The following DNAH17 variants were observed in gnomAD, a reference collection of about 807,000 sequenced individuals.
The protein encoded by DNAH17 is dynein axonemal heavy chain 17, also known as axonemal beta dynein heavy chain 17.
Under a neutral mutation model 485.6 loss-of-function variants are expected in DNAH17, and 376 were observed. The ratio of observed to expected loss-of-function variants is 0.77; its 90% CI spans 0.71 to 0.84. DNAH17 has a LOEUF of 0.84. DNAH17 is among the 40% of genes least tolerant of loss of function. DNAH17 has a pLI of 0.00. For missense variants in DNAH17, 6,370 were observed against 5,839.3 expected, an observed-to-expected ratio of 1.09 and a Z score of -2.96; for synonymous variants, 3,031 against 2,405.9, an observed-to-expected ratio of 1.26 and a Z score of -7.60.
chr17:78,562,517 G>A (rs2092179022), intron 11 of DNAH17, among the ~76,000 whole-genome samples: 1 of 152,092 alleles, frequency 6.6e-6, no homozygotes, highest in African/African-American at 2.4e-5. Flanking sequence ...AGCTACTCAG[G>A]AGGCTGAGAT....
At chr17:78,496,455 G>C (rs943805570) in intron 37 of DNAH17, among the ~76,000 whole-genome samples, 1 of 151,360 alleles carries the variant, frequency 6.6e-6, no homozygotes, top group Non-Finnish European at 1.5e-5. Context: ...CAGTCACAGC[G>C]GGGGTGGTGG....
intron 75 of DNAH17, among the ~76,000 whole-genome samples, chr17:78,431,454 C>T (rs893746807): frequency 6.6e-6 from 1 of 151,336 alleles, no homozygotes; most frequent in Non-Finnish European, 1.5e-5. Flanking sequence ...GGGAACCCCC[C>T]ACCCCGAGAC....
intron 16 of DNAH17, among the ~76,000 whole-genome samples, chr17:78,550,007 C>CAA (rs2091862979): frequency 6.6e-6 from 1 of 152,152 alleles, no homozygotes; most frequent in Non-Finnish European, 1.5e-5. Context: ...TGGCATGAAA[C>CAA]AAAGTGAAGA....
chr17:78,489,157 C>T (rs1396850910), intron 44 of DNAH17, among the ~76,000 whole-genome samples: 4 of 152,190 alleles, frequency 2.6e-5, no homozygotes, highest in Non-Finnish European at 5.9e-5. Context: ...CACTTGGTAT[C>T]CCTCTCAAAC....
In DNAH17 at chr17:78,468,596, T is replaced by G. The variant is rs758503547; in HGVS notation, c.8778+21A>C. 3.7e-6 allele frequency: 6 copies of G among 1,605,400 alleles called. No homozygotes were observed. In the South Asian group the frequency reaches 6.7e-5, roughly 18 times the overall value. On this transcript the variant is annotated intron_variant, in intron 55 of 80. Transcript: ENST00000389840. ...GCACCAAGCTGGGCTCTTGAGGCCC[T>G]GCCGAAGACGGGAGCCCCACCTTGA...
Position 78,574,864 on chromosome 17 carries a change from C to G in DNAH17, c.194G>C (p.Cys65Ser). 1 of 1,614,038 alleles carries G rather than the reference C, an allele frequency of 6.2e-7. No individual in the cohort carries two copies. The highest frequency in any genetic ancestry group is 8.5e-7 in the Non-Finnish European group (1 of 1,179,898). ...CTTGAGGGACTGGGGGAAGCCCAGG[C>G]AGGGTATGATCATGCCGGCTGCATT... ...TLNAAGMIIP[C>S]LGFPQSLKSK... The change falls in exon 2 of 81, where the codon TGC becomes TCC. Residue 65 changes from cysteine (C) to serine (S), a missense_variant. Coordinates refer to ENST00000389840, the MANE Select transcript of DNAH17 (RefSeq NM_173628.4).
Position 78,526,674 on chromosome 17 carries a change from T to TGGGGTCGCTGAAGGAGAAC in DNAH17, c.3669_3687dup (p.Asn1230ValfsTer14). ...ACCTTATTCAGGGACTTGTAGGGGT[T>TGGGGTCGCTGAAGGAGAAC]GGGGTCGCTGAAGGAGAACGGGGCC... On this transcript the variant is annotated frameshift_variant, in exon 24 of 81. Coordinates refer to ENST00000389840, the MANE Select transcript of DNAH17 (RefSeq NM_173628.4). LOFTEE classifies it high-confidence loss of function. 1 of 1,610,566 alleles carries TGGGGTCGCTGAAGGAGAAC rather than the reference T, an allele frequency of 6.2e-7. No individual in the cohort carries two copies. Among genetic ancestry groups the TGGGGTCGCTGAAGGAGAAC allele is most frequent in the South Asian group, 1.1e-5 (1 of 90,838 alleles).
In DNAH17 at chr17:78,462,832, C is replaced by G; in HGVS notation, c.9174+12G>C. 1 of 1,613,588 alleles carries G rather than the reference C, an allele frequency of 6.2e-7. No individual in the cohort carries two copies. The highest frequency in any genetic ancestry group is 8.5e-7 in the Non-Finnish European group (1 of 1,179,726). On this transcript the variant is annotated intron_variant, in intron 57 of 80. Transcript: ENST00000389840. The stretch of plus-strand genomic sequence containing the variant: ...ACGGCACAGGAGCTGGCAGCCAGCC[C>G]CCCTCTCCTACCTGGGAAGCCGTGC...
In DNAH17 at chr17:78,514,888, G is replaced by A. The variant is rs762027053; in HGVS notation, c.3999C>T (p.Phe1333=). ...LDKEMKTWDA[F]VGLDNTVKNV... ...TTTTCACGGTGTTGTCGAGCCCCACGAAGGCATCCCAGGTTTTCATCTCCT... is the reference window on the plus strand; with the variant it reads ...TTTTCACGGTGTTGTCGAGCCCCACAAAGGCATCCCAGGTTTTCATCTCCT... The change falls in exon 26 of 81, where the codon TTC becomes TTT. Residue 1333 remains phenylalanine (F), a synonymous_variant. Coordinates refer to ENST00000389840, the MANE Select transcript of DNAH17 (RefSeq NM_173628.4). 2.2e-5 allele frequency: 36 copies of A among 1,613,934 alleles called. No homozygotes were observed. The highest frequency in any genetic ancestry group is 2.0e-4 in the African/African-American group (15 of 74,938).
intron 71 of DNAH17, among the ~76,000 whole-genome samples, chr17:78,442,039 C>T (rs1006517188): frequency 2.6e-5 from 4 of 151,676 alleles, no homozygotes; most frequent in African/African-American, 7.3e-5. Context: ...GGTGAGATGG[C>T]GCCATTGCAC....
At chr17:78,453,286 G>A (rs910460920) in intron 65 of DNAH17, 57 bp downstream of exon 65, 1 of 1,594,988 alleles carries the variant, frequency 6.3e-7, no homozygotes, top group Non-Finnish European at 8.5e-7. Context: ...CACACGCCCA[G>A]GCCTCGGGCC....
chr17:78,530,224 C>G, intron 21 of DNAH17, 119 bp downstream of exon 21: 1 of 1,278,408 alleles, frequency 7.8e-7, no homozygotes, highest in Non-Finnish European at 1.0e-6. Context: ...GAAGCCCAGC[C>G]TCCACCCCCT....
At chr17:78,465,588 T>C (rs1406072872) in intron 56 of DNAH17, among the ~76,000 whole-genome samples, 6 of 141,058 alleles carry the variant, frequency 4.3e-5, no homozygotes, top group African/African-American at 1.4e-4. Context: ...CGCCGCCCCA[T>C]CTGGGATGTG....
At chr17:78,501,554 C>A in intron 34 of DNAH17, 188 bp downstream of exon 34, 2 of 979,326 alleles carry the variant, frequency 2.0e-6, no homozygotes, top group Non-Finnish European at 2.9e-6. Flanking sequence ...GGGCACCGCT[C>A]ATCTGACTGC....
At chr17:78,557,501 TG>T in intron 14 of DNAH17, among the ~76,000 whole-genome samples, 1 of 151,672 alleles carries the variant, frequency 6.6e-6, no homozygotes, top group Non-Finnish European at 1.5e-5. Context: ...CAGCTGGGCT[TG>T]GTGGTACACG....
chr17:78,450,869 C>T, intron 66 of DNAH17, 23 bp from the exon 67 acceptor site: 1 of 1,612,166 alleles, frequency 6.2e-7, no homozygotes, highest in African/African-American at 1.3e-5. Flanking sequence ...GTGCAGGAGT[C>T]ACTGCATTGC....
chr17:78,457,136 C>T (rs1049966087), intron 62 of DNAH17, among the ~76,000 whole-genome samples: 41 of 152,128 alleles, frequency 2.7e-4, no homozygotes, highest in African/African-American at 9.7e-4. Context: ...TTTGGGAGGC[C>T]GAGGCAGGTG....
intron 20 of DNAH17, 122 bp from the exon 21 acceptor site, chr17:78,530,634 G>A (rs2091208444): frequency 1.6e-6 from 2 of 1,219,708 alleles, no homozygotes; most frequent in Non-Finnish European, 2.3e-6. Context: ...CGGCCACTCT[G>A]GGGCCAGGGT....
At chr17:78,427,373 G>C (rs2086513638) in intron 77 of DNAH17, among the ~76,000 whole-genome samples, 1 of 152,222 alleles carries the variant, frequency 6.6e-6, no homozygotes, top group Non-Finnish European at 1.5e-5. Flanking sequence ...ACCTGGCTCG[G>C]TGCCTCATTT....
Sources: allele counts gnomAD v4.1 joint callset (sites outside exome capture counted in the v4.1 genomes callset), GRCh38; gene constraint gnomAD v4.1.1; transcripts MANE v1.5; gene names NCBI Gene and HGNC (gene_info 2026-07-23, HGNC 2026-07-21).